FAM117B: variants seen among roughly 807,000 people sequenced by gnomAD.
FAM117B encodes the protein family with sequence similarity 117 member B.
Under a neutral mutation model 52.8 loss-of-function variants are expected in FAM117B, and 22 were observed. The observed-to-expected ratio is 0.42, with a 90% CI of 0.30 to 0.59. The LOEUF (loss-of-function observed/expected upper bound fraction) is 0.59, where lower values mean the gene tolerates loss of function less well. FAM117B is among the 20% of genes least tolerant of loss of function. The pLI is 0.22. For missense variants in FAM117B, 678 were observed against 802.6 expected, an observed-to-expected ratio of 0.84 and a Z score of 1.88; for synonymous variants, 309 against 324.1, an observed-to-expected ratio of 0.95 and a Z score of 0.50.
intron 1 of FAM117B, among the ~76,000 whole-genome samples, chr2:202,654,781 A>G (rs1286529361): frequency 1.3e-5 from 2 of 152,070 alleles, no homozygotes; most frequent in Admixed American, 6.6e-5. Context: ...GCGGCAAGAA[A>G]ATATGGTATA....
chr2:202,743,136 G>A (rs532989981), intron 4 of FAM117B, among the ~76,000 whole-genome samples: 43 of 152,208 alleles, frequency 2.8e-4, no homozygotes, highest in African/African-American at 9.4e-4. Flanking sequence ...TGCCACCCAG[G>A]GGTCTAAGGA....
chr2:202,751,439 A>G (rs932266025), intron 4 of FAM117B, among the ~76,000 whole-genome samples: 8 of 152,190 alleles, frequency 5.3e-5, no homozygotes, highest in Non-Finnish European at 8.8e-5. Flanking sequence ...GACTAAGAGA[A>G]TAGATCTATG....
chr2:202,683,789 C>T (rs1186605134), intron 1 of FAM117B, among the ~76,000 whole-genome samples: 2 of 151,968 alleles, frequency 1.3e-5, no homozygotes, highest in African/African-American at 4.8e-5. Flanking sequence ...GAGATAATAC[C>T]GTAACTAATT....
chr2:202,669,616 C>T (rs1690259373), intron 1 of FAM117B, among the ~76,000 whole-genome samples: 1 of 151,930 alleles, frequency 6.6e-6, no homozygotes, highest in Non-Finnish European at 1.5e-5. Flanking sequence ...CAACATGGAA[C>T]ATAACTAAGA....
At chr2:202,680,674 C>G (rs1262279216) in intron 1 of FAM117B, among the ~76,000 whole-genome samples, 1 of 152,086 alleles carries the variant, frequency 6.6e-6, no homozygotes, top group Admixed American at 6.5e-5. Flanking sequence ...CAATGTAAGA[C>G]AGAGCAAAAT....
chr2:202,668,124 AAT>A (rs949725521), intron 1 of FAM117B, among the ~76,000 whole-genome samples: 3 of 143,818 alleles, frequency 2.1e-5, no homozygotes, highest in Non-Finnish European at 3.0e-5. Context: ...ATTTTTATAA[AAT>A]ATATATTTTA....
chr2:202,759,428 C>T (rs1358097364), intron 7 of FAM117B, 75 bp downstream of exon 7: 3 of 1,555,534 alleles, frequency 1.9e-6, no homozygotes, highest in Non-Finnish European at 8.7e-7. Context: ...CTCACTCTGT[C>T]ATCTAGGCTG....
Position 202,651,058 on chromosome 2 carries a change from TTC to T in FAM117B, c.601+15272_601+15273del, listed in dbSNP as rs1275186225. On this transcript the variant is annotated intron_variant, in intron 1 of 7. Coordinates refer to ENST00000392238, the MANE Select transcript of FAM117B (RefSeq NM_173511.4). The stretch of plus-strand genomic sequence containing the variant: ...TTGGATGTTCCCTTCTAATTTGCCA[TTC>T]TTTTTTTTTTTTTTTTTTTTAAGAC... 2.1e-3 allele frequency among the ~76,000 whole-genome samples: 292 copies of T among 136,930 alleles called. 1 individual carries two copies. Among genetic ancestry groups the T allele is most frequent in the African/African-American group, 8.1e-3 (286 of 35,356 alleles). The allele number at this position is 136,930 out of a possible 152,430, so 89.8% of individuals were successfully genotyped here. A position where few individuals can be genotyped will look rare whatever the true frequency, so the allele number is the denominator to read the frequency against.
chr2:202,674,147 C>T (rs1690342558), intron 1 of FAM117B, among the ~76,000 whole-genome samples: 1 of 152,132 alleles, frequency 6.6e-6, no homozygotes, highest in South Asian at 2.1e-4. Context: ...TAAATTTCTC[C>T]TTCTGGTGCA....
chr2:202,715,048 T>C (rs1691022558), intron 2 of FAM117B, among the ~76,000 whole-genome samples: 1 of 152,190 alleles, frequency 6.6e-6, no homozygotes, highest in Non-Finnish European at 1.5e-5. Context: ...AGCTGTTGGG[T>C]ACACCTCCCA....
intron 2 of FAM117B, among the ~76,000 whole-genome samples, chr2:202,699,379 A>G (rs1340196859): frequency 7.2e-6 from 1 of 139,680 alleles, no homozygotes; most frequent in Non-Finnish European, 1.5e-5. Flanking sequence ...GTGAGCCGAG[A>G]TCGTGCCACC....
At chr2:202,713,698 G>A (rs1195301130) in intron 2 of FAM117B, among the ~76,000 whole-genome samples, 1 of 151,914 alleles carries the variant, frequency 6.6e-6, no homozygotes, top group Non-Finnish European at 1.5e-5. Flanking sequence ...ATAGATTTTG[G>A]TATGTTGTGT....
intron 1 of FAM117B, among the ~76,000 whole-genome samples, chr2:202,668,273 ATATT>A (rs1170503110): frequency 6.1e-5 from 9 of 146,574 alleles, no homozygotes; most frequent in African/African-American, 2.2e-4. Context: ...AGATATAAAA[ATATT>A]TATATATTAA....
chr2:202,668,107 AAAAAATATT>A (rs1690232539), intron 1 of FAM117B, among the ~76,000 whole-genome samples: 1 of 141,462 alleles, frequency 7.1e-6, no homozygotes, highest in African/African-American at 2.8e-5. Context: ...ATATTTATAT[AAAAAATATT>A]TTTATAAAAT....
At chr2:202,718,817 T>C (rs142850966) in intron 2 of FAM117B, among the ~76,000 whole-genome samples, 1 of 152,308 alleles carries the variant, frequency 6.6e-6, no homozygotes, top group Non-Finnish European at 1.5e-5. Context: ...TGGTAGTATC[T>C]CCTCATTCCA....
chr2:202,635,761 A>C lies in FAM117B; in HGVS notation c.574A>C (p.Ser192Arg). Residue 192 changes from serine to arginine, a missense_variant, in exon 1 of 8, where the codon AGC (serine) becomes CGC (arginine). By Grantham distance (110) the Ser-to-Arg change is moderately radical (BLOSUM62 -1). Transcript: ENST00000392238. ...GAGCCGAAGCTCGCCGGAGAAGAGG[A>C]GCCCCAGCGCCCCGGTTTGCAAAGC... ...EQSRSSPEKR[S>R]PSAPVCKAGD... 1.4e-6 allele frequency: 2 copies of C among 1,456,050 alleles called. No homozygotes were observed. The highest frequency in any genetic ancestry group is 1.8e-6 in the Non-Finnish European group (2 of 1,106,750). The allele number at this position is 1,456,050 out of a possible 1,614,324, so 90.2% of individuals were successfully genotyped here. A position where few individuals can be genotyped will look rare whatever the true frequency, so the allele number is the denominator to read the frequency against.
intron 7 of FAM117B, among the ~76,000 whole-genome samples, chr2:202,759,653 G>A (rs1362745624): frequency 6.6e-6 from 1 of 151,602 alleles, no homozygotes; most frequent in Non-Finnish European, 1.5e-5. Context: ...TGCCTCCTGG[G>A]TTCATGCCAT....
chr2:202,762,836 A>G (rs1691915068), intron 7 of FAM117B, among the ~76,000 whole-genome samples: 1 of 151,778 alleles, frequency 6.6e-6, no homozygotes, highest in African/African-American at 2.4e-5. Flanking sequence ...ATTGGTGTTA[A>G]TGTTCTGTTT....
chr2:202,645,850 C>T (rs2105753939), intron 1 of FAM117B, among the ~76,000 whole-genome samples: 1 of 151,958 alleles, frequency 6.6e-6, no homozygotes, highest in East Asian at 1.9e-4. Flanking sequence ...AGGTGATCCG[C>T]CCGCCTTGGC....
Sources: allele counts gnomAD v4.1 joint callset (sites outside exome capture counted in the v4.1 genomes callset), GRCh38; gene constraint gnomAD v4.1.1; transcripts MANE v1.5; gene names NCBI Gene and HGNC (gene_info 2026-07-23, HGNC 2026-07-21).